The following SH3BGR variants were observed in gnomAD, a reference collection of about 807,000 sequenced individuals.
SH3BGR encodes the protein SH3 domain-binding glutamic acid-rich protein.
In SH3BGR, 29 loss-of-function variants were observed where a neutral mutation model predicts 24.5. The observed-to-expected ratio is 1.18, with a 90% confidence interval of 0.88 to 1.61. The LOEUF (loss-of-function observed/expected upper bound fraction) is 1.61, where lower values mean the gene tolerates loss of function less well. Among genes scored for constraint, SH3BGR ranks in the 40% most tolerant of loss-of-function variants. SH3BGR has a pLI of 0.00. For missense variants in SH3BGR, 162 were observed against 205.8 expected (o/e 0.79, Z 1.30); for synonymous variants, 55 against 65.7 (o/e 0.84, Z 0.79).
chr21:39,500,379 CA>C (rs903026197), intron 4 of SH3BGR, among the ~76,000 whole-genome samples: 3 of 152,066 alleles, frequency 2.0e-5, no homozygotes, highest in African/African-American at 7.2e-5. Context: ...GGGAAATTGA[CA>C]CTCAGTTAAT....
chr21:39,449,708 CAT>C (rs1407974002), upstream of SH3BGR, among the ~76,000 whole-genome samples: 1 of 152,150 alleles, frequency 6.6e-6, no homozygotes, highest in African/African-American at 2.4e-5. Flanking sequence ...AGGAGCTTCT[CAT>C]GTGGTGTGGA....
At chr21:39,500,175 G>T (rs571600550) in intron 4 of SH3BGR, among the ~76,000 whole-genome samples, 25 of 152,236 alleles carry the variant, frequency 1.6e-4, no homozygotes, top group African/African-American at 5.8e-4. Flanking sequence ...AGAATTTGTT[G>T]TGGTGGTGTT....
At chr21:39,510,987 G>A (rs2078682149) in intron 5 of SH3BGR, among the ~76,000 whole-genome samples, 1 of 141,044 alleles carries the variant, frequency 7.1e-6, no homozygotes, top group Admixed American at 7.5e-5. Context: ...AGAATGGTTT[G>A]TTAATATGAG....
intron 3 of SH3BGR, among the ~76,000 whole-genome samples, chr21:39,495,003 T>C (rs1007609586): frequency 6.6e-6 from 1 of 152,198 alleles, no homozygotes. Context: ...AATTTTTTTA[T>C]TTCATATATT....
In SH3BGR at chr21:39,509,043, T is replaced by C. The variant is rs771175199; in HGVS notation, c.435+16T>C. ...CACAGAAGAGGTACGGTCGACCATC[T>C]TTAACAGCTGTGCTTAATCTGCTTA... On this transcript the variant is annotated intron_variant, in intron 5 of 6. Transcript: ENST00000333634. 3 of 1,603,234 alleles carry C rather than the reference T, an allele frequency of 1.9e-6. No individual in the cohort carries two copies. The highest frequency in any genetic ancestry group is 8.5e-7 in the Non-Finnish European group (1 of 1,172,658).
At chr21:39,486,115 A>G (rs555785258) in intron 3 of SH3BGR, among the ~76,000 whole-genome samples, 36 of 152,364 alleles carry the variant, frequency 2.4e-4, no homozygotes, top group Middle Eastern at 3.4e-3. Flanking sequence ...CTTGTAGCTC[A>G]TTACAAATAA....
rs2078761950 is a variant in SH3BGR at position 39,515,313 on chromosome 21, CTT to C, written c.*265_*266del. ...TCTTGGCTTTTGAAGATTTTTTTTT[CTT>C]TTTTGCTCTGCATAGCTAGACCATC... is the stretch of plus-strand genomic sequence containing the variant. On this transcript the variant is annotated 3_prime_UTR_variant, in exon 7 of 7. Coordinates refer to ENST00000333634, the MANE Select transcript of SH3BGR (RefSeq NM_007341.3). 1 of 249,110 alleles carries C rather than the reference CTT, an allele frequency of 4.0e-6. No homozygotes were observed. The highest frequency in any genetic ancestry group is 8.2e-6 in the Non-Finnish European group (1 of 121,460). The allele number at this position is 249,110 out of a possible 1,614,324, so 15.4% of individuals were successfully genotyped here.
chr21:39,466,216 C>T (rs1023011645), intron 2 of SH3BGR, among the ~76,000 whole-genome samples: 2 of 152,234 alleles, frequency 1.3e-5, no homozygotes, highest in African/African-American at 4.8e-5. Context: ...GTGACTTTGA[C>T]AACACTGTGC....
chr21:39,459,119 G>C (rs1293387000), intron 1 of SH3BGR, among the ~76,000 whole-genome samples: 1 of 151,880 alleles, frequency 6.6e-6, no homozygotes, highest in African/African-American at 2.4e-5. Context: ...GCAAAGTAGA[G>C]AGTCAATAAA....
intron 3 of SH3BGR, among the ~76,000 whole-genome samples, chr21:39,482,230 A>C (rs2078141463): frequency 6.6e-6 from 1 of 152,262 alleles, no homozygotes; most frequent in South Asian, 2.1e-4. Flanking sequence ...AATCAGACAA[A>C]ACAAAAATTT....
intron 4 of SH3BGR, among the ~76,000 whole-genome samples, chr21:39,502,679 C>A (rs921790808): frequency 3.9e-5 from 6 of 152,202 alleles, no homozygotes; most frequent in Non-Finnish European, 7.3e-5. Flanking sequence ...GTCTCACAGC[C>A]ATCCTGGGGT....
chr21:39,447,241 G>T (rs1429967475), upstream of SH3BGR, among the ~76,000 whole-genome samples: 1 of 152,028 alleles, frequency 6.6e-6, no homozygotes, highest in African/African-American at 2.4e-5. Context: ...ACAGTAACGA[G>T]AGCGGAGTTT....
At chr21:39,494,251 C>CTT (rs143867801) in intron 3 of SH3BGR, among the ~76,000 whole-genome samples, 14 of 138,454 alleles carry the variant, frequency 1.0e-4, no homozygotes, top group African/African-American at 3.3e-4. Context: ...TCTTCTTCTT[C>CTT]TTTTTTTTTT....
At chr21:39,487,206 G>A (rs2078225953) in intron 3 of SH3BGR, among the ~76,000 whole-genome samples, 1 of 152,136 alleles carries the variant, frequency 6.6e-6, no homozygotes, top group Non-Finnish European at 1.5e-5. Flanking sequence ...GCAGTGGCCT[G>A]ATCACGGCTC....
chr21:39,454,763 T>C (rs1191349005), intron 1 of SH3BGR, among the ~76,000 whole-genome samples: 1 of 152,218 alleles, frequency 6.6e-6, no homozygotes, highest in Non-Finnish European at 1.5e-5. Flanking sequence ...GAAAATTCAT[T>C]CATTTATTGG....
chr21:39,459,345 C>G (rs1041711423), intron 1 of SH3BGR, among the ~76,000 whole-genome samples: 1 of 152,064 alleles, frequency 6.6e-6, no homozygotes, highest in African/African-American at 2.4e-5. Context: ...CTGTCTCAGC[C>G]TCCCAAGTAG....
At chr21:39,510,193 C>G (rs1055533782) in intron 5 of SH3BGR, among the ~76,000 whole-genome samples, 1 of 127,550 alleles carries the variant, frequency 7.8e-6, no homozygotes, top group Admixed American at 7.5e-5. Flanking sequence ...CCGCCCGCCT[C>G]GGCCTCCCAA....
At chr21:39,489,547 G>A (rs1292285409) in intron 3 of SH3BGR, among the ~76,000 whole-genome samples, 1 of 152,206 alleles carries the variant, frequency 6.6e-6, no homozygotes, top group African/African-American at 2.4e-5. Context: ...GTGATCAACA[G>A]GGCAGGGCAG....
chr21:39,468,595 C>A (rs556650974), intron 2 of SH3BGR, among the ~76,000 whole-genome samples: 68 of 152,282 alleles, frequency 4.5e-4, no homozygotes, highest in Non-Finnish European at 7.4e-4. Flanking sequence ...TGCAGCACCA[C>A]ACCTAGCTAA....
Sources: gnomAD v4.1 joint callset for allele counts (sites outside exome capture counted in the v4.1 genomes callset) on GRCh38, gnomAD v4.1.1 for gene constraint, MANE v1.5 for transcripts, NCBI Gene and HGNC (gene_info 2026-07-23, HGNC 2026-07-21) for gene names.